The following BMP3 variants were observed in gnomAD, a reference collection of about 807,000 sequenced individuals.
BMP3 encodes bone morphogenetic protein 3, also known as bone morphogenetic protein 3 (osteogenic).
In BMP3, 23 loss-of-function variants were observed where a neutral mutation model predicts 38.1. The observed-to-expected ratio is 0.60, with a 90% CI of 0.43 to 0.86. BMP3 has a LOEUF of 0.86. Among genes scored for constraint, BMP3 ranks in the 40% least tolerant of loss-of-function variants. The pLI is 0.00. For missense variants in BMP3, 628 were observed against 579.6 expected, an observed-to-expected ratio of 1.08 and a Z score of -0.86; for synonymous variants, 258 against 225.7, an observed-to-expected ratio of 1.14 and a Z score of -1.28.
chr4:81,031,160 G>A lies in BMP3; in HGVS notation c.-125G>A. ...ATCTCGCTGCACCCGGCCGCGTCCC[G>A]GGCTCCGTGCGCCCTCGCCCCAGCT... On this transcript the variant is annotated 5_prime_UTR_variant, in exon 1 of 3. Coordinates refer to ENST00000282701, the MANE Select transcript of BMP3 (RefSeq NM_001201.5). The A allele has an allele frequency of 9.4e-7, 1 of 1,065,250 alleles. No homozygotes were observed. 66.0% of individuals were successfully genotyped at this position (1,065,250 alleles called of 1,614,324 possible).
chr4:81,040,829 C>T (rs1339147912), intron 1 of BMP3, among the ~76,000 whole-genome samples: 2 of 152,182 alleles, frequency 1.3e-5, no homozygotes, highest in Non-Finnish European at 1.5e-5. Context: ...AGCCTAAAAA[C>T]GCATAAGTAT....
intron 1 of BMP3, among the ~76,000 whole-genome samples, chr4:81,036,531 C>A (rs1219832624): frequency 6.6e-6 from 1 of 151,894 alleles, no homozygotes; most frequent in Non-Finnish European, 1.5e-5. Context: ...GTCTTAATGT[C>A]TTTATTTTGG....
chr4:81,033,497 G>A (rs937787116), intron 1 of BMP3, among the ~76,000 whole-genome samples: 2 of 152,128 alleles, frequency 1.3e-5, no homozygotes, highest in Non-Finnish European at 2.9e-5. Context: ...TATATACAAG[G>A]CTGTGTGCCC....
chr4:81,053,704 G>A lies in BMP3; in HGVS notation c.*168G>A. 1 of 428,720 alleles carries A rather than the reference G, an allele frequency of 2.3e-6. No homozygotes were observed. 26.6% of individuals were successfully genotyped at this position (428,720 alleles called of 1,614,324 possible). On this transcript the variant is annotated 3_prime_UTR_variant, in exon 3 of 3. Coordinates refer to ENST00000282701, the MANE Select transcript of BMP3 (RefSeq NM_001201.5). ...AAATAGACTGAAGATTGCCACCAAGGAAAAGAACTGTATTTGTTTCTGAAT... is the reference window on the plus strand; with the variant it reads ...AAATAGACTGAAGATTGCCACCAAGAAAAAGAACTGTATTTGTTTCTGAAT...
chr4:81,051,717 C>G (rs1311115015), intron 2 of BMP3, among the ~76,000 whole-genome samples: 1 of 152,164 alleles, frequency 6.6e-6, no homozygotes, highest in East Asian at 1.9e-4. Flanking sequence ...GCAGGGCATA[C>G]AATGTGCAAA....
Position 81,031,054 on chromosome 4 carries a change from G to C in BMP3, c.-231G>C. On this transcript the variant is annotated 5_prime_UTR_variant, in exon 1 of 3. Coordinates refer to ENST00000282701, the MANE Select transcript of BMP3 (RefSeq NM_001201.5). ...AGACGGCGCCCGCAGCGCCCTGCGC[G>C]GGTGAGGTCCGCGCAGCTGCTGGGG... The C allele has an allele frequency of 1.9e-6, 1 of 528,490 alleles. No individual in the cohort carries two copies. Among genetic ancestry groups the C allele is most frequent in the Non-Finnish European group, 3.3e-6 (1 of 305,416 alleles). 32.7% of individuals were successfully genotyped at this position (528,490 alleles called of 1,614,324 possible).
intron 2 of BMP3, among the ~76,000 whole-genome samples, chr4:81,047,211 C>A (rs1740275744): frequency 6.6e-6 from 1 of 152,120 alleles, no homozygotes; most frequent in African/African-American, 2.4e-5. Flanking sequence ...TGCTTCATTG[C>A]TAAACATCAG....
At position 81,056,091 on chromosome 4, in the gene BMP3, T is replaced by G. The variant is rs72870296; in HGVS notation, c.*2555T>G. 117 of 152,252 alleles carry G rather than the reference T, an allele frequency of 7.7e-4. No homozygotes were observed. The highest frequency in any genetic ancestry group is 6.8e-3 in the Middle Eastern group (2 of 294). 9.4% of individuals were successfully genotyped at this position (152,252 alleles called of 1,614,324 possible). On this transcript the variant is annotated 3_prime_UTR_variant, in exon 3 of 3. Coordinates refer to ENST00000282701, the MANE Select transcript of BMP3 (RefSeq NM_001201.5). ...GATTTACTAAGAGTAGTTAGAAAAT[T>G]TAGTAAGTGCCTGTTTTACAAATTG... is the stretch of plus-strand genomic sequence containing the variant.
chr4:81,031,087 CACCT>C lies in BMP3; in HGVS notation c.-197_-194del. 1 of 593,524 alleles carries C rather than the reference CACCT, an allele frequency of 1.7e-6. No homozygotes were observed. The highest frequency in any genetic ancestry group is 2.9e-6 in the Non-Finnish European group (1 of 349,242). The allele number at this position is 593,524 out of a possible 1,614,324, so 36.8% of individuals were successfully genotyped here. A position where few individuals can be genotyped will look rare whatever the true frequency, so the allele number is the denominator to read the frequency against. On this transcript the variant is annotated 5_prime_UTR_variant, in exon 1 of 3. Transcript: ENST00000282701. ...TCCGCGCAGCTGCTGGGGAAGAGCCCACCTGTCAGGCTGCGCTGGGTCAGCGCAG... is the reference window on the plus strand; with the variant it reads ...TCCGCGCAGCTGCTGGGGAAGAGCCCGTCAGGCTGCGCTGGGTCAGCGCAG...
chr4:81,033,177 G>A (rs978771257), intron 1 of BMP3, among the ~76,000 whole-genome samples: 3 of 152,150 alleles, frequency 2.0e-5, no homozygotes, highest in African/African-American at 4.8e-5. Flanking sequence ...AGTAGCTGAG[G>A]CCCCTAAGAT....
rs926303770 is a variant in BMP3, at chr4:81,056,550, T to A, written c.*3014T>A. ...ATTCTTTTTCTCAATAACTGTTCTC[T>A]TGAATTCAAATTAAGGGACTGCCAA... On this transcript the variant is annotated 3_prime_UTR_variant, in exon 3 of 3. Transcript: ENST00000282701. 2.0e-5 allele frequency: 3 copies of A among 152,550 alleles called. No homozygotes were observed. The highest frequency in any genetic ancestry group is 4.8e-5 in the African/African-American group (2 of 41,444). The allele number at this position is 152,550 out of a possible 1,614,324, so 9.4% of individuals were successfully genotyped here. A position where few individuals can be genotyped will look rare whatever the true frequency, so the allele number is the denominator to read the frequency against.
chr4:81,046,286 C>A lies in BMP3; in HGVS notation c.865C>A (p.Arg289Ser). ...CCTTTCCATTGAGCGGAGGAAGAAG[C>A]GCTCTACTGGGGTCTTGCTGCCTCT... ...AALSIERRKK[R>S]STGVLLPLQN... The change falls in exon 2 of 3, where the codon CGC becomes AGC. Residue 289 changes from arginine (R) to serine (S), a missense_variant. Physicochemically the swap from Arg to Ser is moderately radical, Grantham distance 110. Transcript: ENST00000282701. The A allele has an allele frequency of 6.2e-7, 1 of 1,614,022 alleles. No homozygotes were observed. The highest frequency in any genetic ancestry group is 1.1e-5 in the South Asian group (1 of 91,074).
intron 2 of BMP3, among the ~76,000 whole-genome samples, chr4:81,047,549 C>CAA (rs3042536): frequency 0.68 from 99,856 of 147,254 alleles, 36,016 homozygotes; most frequent in Non-Finnish European, 0.8. Context: ...TCTGTTATAC[C>CAA]AAAAAAAAAA....
chr4:81,044,860 A>G (rs920068075), intron 1 of BMP3, among the ~76,000 whole-genome samples: 10 of 152,146 alleles, frequency 6.6e-5, no homozygotes, highest in African/African-American at 2.4e-4. Flanking sequence ...CAATTTCTTT[A>G]TCCATTCATC....
chr4:81,046,652 G>T lies in BMP3; in HGVS notation c.1227+4G>T. 6.2e-7 allele frequency: 1 copy of T among 1,607,056 alleles called. No individual in the cohort carries two copies. Among genetic ancestry groups the T allele is most frequent in the African/African-American group, 1.3e-5 (1 of 74,866 alleles). ...ATGCCAGTTCCCCATGCCAAAGGTA[G>T]CCATTGTTCTCTGTCCTGTACTTAC... On this transcript the variant is annotated splice_donor_region_variant and intron_variant, in intron 2 of 2. Coordinates refer to ENST00000282701, the MANE Select transcript of BMP3 (RefSeq NM_001201.5).
chr4:81,031,738 G>T, intron 1 of BMP3, 138 bp downstream of exon 1: 1 of 1,090,356 alleles, frequency 9.2e-7, no homozygotes, highest in Non-Finnish European at 1.3e-6. Flanking sequence ...CTGCCCTCTG[G>T]ATTCCTCCGT....
chr4:81,045,058 C>A lies in BMP3; in HGVS notation c.317-680C>A, dbSNP rs183459366. On this transcript the variant is annotated intron_variant, in intron 1 of 2. Transcript: ENST00000282701. ...AAAGAGTATTCCACAGCAGGTGAAC[C>A]ATTTTGCATTCCCACCAGCAATTTG... Among the ~76,000 whole-genome samples the A allele has an allele frequency of 2.4e-3, 371 of 152,256 alleles. 2 individuals are homozygous for A. Among genetic ancestry groups the A allele is most frequent in the African/African-American group, 8.2e-3 (341 of 41,562 alleles).
chr4:81,043,745 C>G (rs935490074), intron 1 of BMP3, among the ~76,000 whole-genome samples: 2 of 151,836 alleles, frequency 1.3e-5, no homozygotes, highest in Non-Finnish European at 1.5e-5. Context: ...GTGCCACTAC[C>G]GCCTTGCTAA....
Position 81,046,265 on chromosome 4 carries a change from T to G in BMP3, c.844T>G (p.Ser282Ala). Residue 282 changes from serine to alanine, a missense_variant, in exon 2 of 3, where the codon TCC (serine) becomes GCC (alanine). Coordinates refer to ENST00000282701, the MANE Select transcript of BMP3 (RefSeq NM_001201.5). ...KWDSHIRAAL[S>A]IERRKKRSTG... ...GGATAGCCACATCAGAGCTGCCCTT[T>G]CCATTGAGCGGAGGAAGAAGCGCTC... is the stretch of plus-strand genomic sequence containing the variant. The G allele has an allele frequency of 6.2e-7, 1 of 1,614,106 alleles. No individual in the cohort carries two copies. The highest frequency in any genetic ancestry group is 8.5e-7 in the Non-Finnish European group (1 of 1,180,020).
Sources: allele counts gnomAD v4.1 joint callset (sites outside exome capture counted in the v4.1 genomes callset), GRCh38; gene constraint gnomAD v4.1.1; transcripts MANE v1.5; gene names NCBI Gene and HGNC (gene_info 2026-07-23, HGNC 2026-07-21).